The following NCKAP5 variants were observed in gnomAD, a reference collection of about 807,000 sequenced individuals.
The protein encoded by NCKAP5 is nck-associated protein 5.
A neutral mutation model predicts 167.0 loss-of-function variants in NCKAP5; 92 were observed. That is an observed-to-expected ratio of 0.55 (90% CI 0.47 to 0.66). NCKAP5 has a LOEUF of 0.66. Among genes scored for constraint, NCKAP5 ranks in the 30% least tolerant of loss-of-function variants. The pLI is 0.00. For missense variants in NCKAP5, 2,378 were observed against 2,315.0 expected, an observed-to-expected ratio of 1.03 and a Z score of -0.56; for synonymous variants, 891 against 877.4, an observed-to-expected ratio of 1.02 and a Z score of -0.27.
At chr2:133,549,018 A>C (rs565505197) in intron 2 of NCKAP5, among the ~76,000 whole-genome samples, 8 of 152,050 alleles carry the variant, frequency 5.3e-5, no homozygotes, top group South Asian at 4.2e-4. Flanking sequence ...GGCTCAAAAT[A>C]AAAGGATGGA....
At chr2:133,247,163 A>G (rs1038273988) in intron 4 of NCKAP5, among the ~76,000 whole-genome samples, 9 of 152,226 alleles carry the variant, frequency 5.9e-5, no homozygotes, top group Non-Finnish European at 4.4e-5. Flanking sequence ...CTGCTTAAAA[A>G]GAATCAAATA....
chr2:133,498,350 G>C (rs761230618), intron 3 of NCKAP5, among the ~76,000 whole-genome samples: 8 of 151,838 alleles, frequency 5.3e-5, no homozygotes, highest in Non-Finnish European at 1.2e-4. Context: ...GGATGTGTAT[G>C]AGGGAGAAAT....
At chr2:133,307,033 T>C (rs755571186) in intron 3 of NCKAP5, among the ~76,000 whole-genome samples, 18 of 152,208 alleles carry the variant, frequency 1.2e-4, no homozygotes, top group Non-Finnish European at 1.9e-4. Context: ...AAAATATCAA[T>C]TTCCCAAGCC....
intron 5 of NCKAP5, among the ~76,000 whole-genome samples, chr2:133,210,166 A>C (rs1375870577): frequency 6.7e-6 from 1 of 149,044 alleles, no homozygotes; most frequent in East Asian, 1.9e-4. Context: ...ACTCCATCTC[A>C]AAAATAAATA....
At chr2:132,827,811 C>T (rs181644896) in intron 11 of NCKAP5, among the ~76,000 whole-genome samples, 1 of 152,238 alleles carries the variant, frequency 6.6e-6, no homozygotes, top group East Asian at 1.9e-4. Context: ...TGAATAAGGG[C>T]CTCTAAGATA....
intron 5 of NCKAP5, among the ~76,000 whole-genome samples, chr2:133,153,927 C>G (rs529641826): frequency 3.6e-4 from 55 of 151,122 alleles, no homozygotes; most frequent in African/African-American, 8.3e-4. Context: ...CCTCCTCCCC[C>G]CAAGAAGGGT....
intron 3 of NCKAP5, among the ~76,000 whole-genome samples, chr2:133,456,094 T>C (rs1425752433): frequency 1.3e-5 from 2 of 152,148 alleles, no homozygotes; most frequent in African/African-American, 4.8e-5. Flanking sequence ...CACTTTATGA[T>C]CTCAAGGAAT....
At chr2:133,544,576 G>A (rs1239715184) in intron 2 of NCKAP5, among the ~76,000 whole-genome samples, 3 of 152,154 alleles carry the variant, frequency 2.0e-5, no homozygotes, top group Non-Finnish European at 4.4e-5. Context: ...TGTGAATGGA[G>A]TATTATTTGT....
chr2:132,755,503 A>G lies in NCKAP5; in HGVS notation c.5128+18313T>C, dbSNP rs75127159. 4.6e-5 allele frequency among the ~76,000 whole-genome samples: 7 copies of G among 152,236 alleles called. No individual in the cohort carries two copies. In the East Asian group the frequency reaches 1.4e-3, roughly 29 times the overall value. On this transcript the variant is annotated intron_variant, in intron 16 of 19. Transcript: ENST00000409261. ...CTTCTGCATCATTCAGAAAGATTAT[A>G]TCTAGCTACTTTTACCTCAGACAAC...
At chr2:133,501,579 G>A (rs1575068236) in intron 3 of NCKAP5, among the ~76,000 whole-genome samples, 2 of 152,320 alleles carry the variant, frequency 1.3e-5, no homozygotes, top group East Asian at 3.9e-4. Flanking sequence ...ATTTATAGAT[G>A]TGAATGAAGA....
At chr2:133,056,693 A>C (rs1357629947) in intron 6 of NCKAP5, among the ~76,000 whole-genome samples, 1 of 152,188 alleles carries the variant, frequency 6.6e-6, no homozygotes, top group Admixed American at 6.5e-5. Flanking sequence ...ACAAGCAGGA[A>C]ATCTTTTCCT....
At position 132,725,723 on chromosome 2, in the gene NCKAP5, C is replaced by T. The variant is rs759159177; in HGVS notation, c.5617G>A (p.Gly1873Ser). 2.6e-5 allele frequency: 42 copies of T among 1,613,518 alleles called. No individual in the cohort carries two copies. In the East Asian group the frequency reaches 4.7e-4, roughly 18 times the overall value. The change falls in exon 19 of 20, where the codon GGT becomes AGT. Residue 1873 changes from glycine (G) to serine (S), a missense_variant. Gly to Ser is a moderately conservative substitution (Grantham distance 56, BLOSUM62 0). Transcript: ENST00000409261. Reference protein sequence around the residue: ...APRMCTYSASGGSNSDSDLDY... With the variant: ...APRMCTYSASSGSNSDSDLDY... ...AGGTCACTGTCACTATTACTGCCACCGCTGGCAGAGTACGTACACATTCTG... is the reference window on the plus strand; with the variant it reads ...AGGTCACTGTCACTATTACTGCCACTGCTGGCAGAGTACGTACACATTCTG...
chr2:133,386,984 T>A (rs1175146590), intron 3 of NCKAP5, among the ~76,000 whole-genome samples: 1 of 152,198 alleles, frequency 6.6e-6, no homozygotes, highest in Non-Finnish European at 1.5e-5. Flanking sequence ...CACTGATGGG[T>A]CTTGACTCTT....
At chr2:132,749,020 G>A (rs931512856) in intron 16 of NCKAP5, among the ~76,000 whole-genome samples, 2 of 151,930 alleles carry the variant, frequency 1.3e-5, no homozygotes, top group Admixed American at 6.6e-5. Flanking sequence ...CCACCCCTAC[G>A]GACTCCCAAA....
intron 11 of NCKAP5, among the ~76,000 whole-genome samples, chr2:132,804,309 C>A (rs748255123): frequency 4.6e-5 from 7 of 152,120 alleles, no homozygotes; most frequent in Non-Finnish European, 7.3e-5. Context: ...ACAGCCTGAG[C>A]CTATTCTGGG....
chr2:132,894,341 C>A (rs1341458058), intron 8 of NCKAP5, among the ~76,000 whole-genome samples: 1 of 152,158 alleles, frequency 6.6e-6, no homozygotes, highest in East Asian at 1.9e-4. Flanking sequence ...TCTGGGTCTC[C>A]GCCAGGGCGA....
intron 11 of NCKAP5, among the ~76,000 whole-genome samples, chr2:132,803,617 C>G (rs1685204574): frequency 6.6e-6 from 1 of 152,180 alleles, no homozygotes; most frequent in African/African-American, 2.4e-5. Context: ...CACCTCTTAC[C>G]TGTCCTTATC....
At chr2:133,364,572 T>G (rs1443868540) in intron 3 of NCKAP5, among the ~76,000 whole-genome samples, 1 of 152,188 alleles carries the variant, frequency 6.6e-6, no homozygotes, top group Non-Finnish European at 1.5e-5. Context: ...CTGGGTTTCA[T>G]GTTCTCGACA....
intron 3 of NCKAP5, among the ~76,000 whole-genome samples, chr2:133,454,808 C>A (rs1646776156): frequency 1.3e-5 from 2 of 151,982 alleles, no homozygotes; most frequent in Admixed American, 6.6e-5. Flanking sequence ...ATCTTACCTA[C>A]AATTATGAAG....
Sources: gnomAD v4.1 joint callset for allele counts (sites outside exome capture counted in the v4.1 genomes callset) on GRCh38, gnomAD v4.1.1 for gene constraint, MANE v1.5 for transcripts, NCBI Gene and HGNC (gene_info 2026-07-23, HGNC 2026-07-21) for gene names.